Variants in CEACAM3 observed in about 807,000 individuals in gnomAD.
The protein encoded by CEACAM3 is CEA cell adhesion molecule 3, also known as cell adhesion molecule CEACAM3.
In CEACAM3, 32 loss-of-function variants were observed where a neutral mutation model predicts 30.1. The observed-to-expected ratio is 1.06, with a 90% CI of 0.80 to 1.43. CEACAM3 has a LOEUF of 1.43. CEACAM3 is among the 40% of genes most tolerant of loss of function. The pLI, the probability that CEACAM3 is intolerant of heterozygous loss-of-function variation, is 0.00. For missense variants in CEACAM3, 290 were observed against 316.3 expected, an observed-to-expected ratio of 0.92 and a Z score of 0.63; for synonymous variants, 134 against 127.2, an observed-to-expected ratio of 1.05 and a Z score of -0.36.
At chr19:41,805,338 C>T (rs1456870240) in intron 2 of CEACAM3, among the ~76,000 whole-genome samples, 1 of 137,518 alleles carries the variant, frequency 7.3e-6, no homozygotes, top group Non-Finnish European at 1.5e-5. Context: ...GTCACCCAGG[C>T]TGGAGTGCAA....
Position 41,811,402 on chromosome 19 carries a change from G to A in CEACAM3, c.*165G>A. ...GATGGGGGTCCCTGATGAATATCTGGAGACCTCGACAGCCTGCCCTAGGCC... is the reference window on the plus strand; with the variant it reads ...GATGGGGGTCCCTGATGAATATCTGAAGACCTCGACAGCCTGCCCTAGGCC... On this transcript the variant is annotated 3_prime_UTR_variant, in exon 7 of 7. Transcript: ENST00000357396. The A allele has an allele frequency of 1.6e-6, 1 of 639,890 alleles. No homozygotes were observed. Among genetic ancestry groups the A allele is most frequent in the Non-Finnish European group, 2.8e-6 (1 of 362,218 alleles). The allele number at this position is 639,890 out of a possible 1,614,324, so 39.6% of individuals were successfully genotyped here.
intron 2 of CEACAM3, among the ~76,000 whole-genome samples, chr19:41,803,399 A>C (rs2073167363): frequency 6.6e-6 from 1 of 151,488 alleles, no homozygotes; most frequent in Admixed American, 6.6e-5. Context: ...AAACTTCCAA[A>C]ACTGAACAGC....
intron 2 of CEACAM3, among the ~76,000 whole-genome samples, chr19:41,805,884 CAGG>C (rs1476055206): frequency 6.6e-6 from 1 of 152,330 alleles, no homozygotes; most frequent in East Asian, 1.9e-4. Flanking sequence ...CTGCCCTCTG[CAGG>C]AGGAGAAAAC....
Position 41,811,290 on chromosome 19 carries a change from G to T in CEACAM3, c.*53G>T. The T allele has an allele frequency of 5.4e-6, 8 of 1,470,884 alleles. No homozygotes were observed. Among genetic ancestry groups the T allele is most frequent in the Non-Finnish European group, 6.7e-6 (7 of 1,051,948 alleles). 91.1% of individuals were successfully genotyped at this position (1,470,884 alleles called of 1,614,324 possible). A position where few individuals can be genotyped will look rare whatever the true frequency, so the allele number is the denominator to read the frequency against. ...TGATGGAGAGTCCCCAAGGCCCCCAGCCCTGGGGATGGGGAAGGACATGAA... is the reference window on the plus strand; with the variant it reads ...TGATGGAGAGTCCCCAAGGCCCCCATCCCTGGGGATGGGGAAGGACATGAA... On this transcript the variant is annotated 3_prime_UTR_variant, in exon 7 of 7. Transcript: ENST00000357396.
At position 41,797,795 on chromosome 19, in the gene CEACAM3, C is replaced by A; in HGVS notation, c.271C>A (p.Pro91Thr). 1 of 1,612,280 alleles carries A rather than the reference C, an allele frequency of 6.2e-7. No individual in the cohort carries two copies. The highest frequency in any genetic ancestry group is 8.5e-7 in the Non-Finnish European group (1 of 1,180,006). Residue 91 changes from proline (P) to threonine (T), a missense_variant, in exon 2 of 7, where the codon CCA becomes ACA. Physicochemically the swap from Pro to Thr is conservative, Grantham distance 38. Transcript: ENST00000357396. ...TGTAATAGGAACTCAACAAGCTACC[C>A]CAGGGGCCGCATACAGCGGTCGAGA... ...GYVIGTQQAT[P>T]GAAYSGRETI...
At chr19:41,807,351 G>C in intron 2 of CEACAM3, 1 of 1,606,412 alleles carries the variant, frequency 6.2e-7, no homozygotes. Flanking sequence ...AACCCAGTGG[G>C]TGCCAGCTAC....
chr19:41,800,430 G>T (rs7258053), intron 2 of CEACAM3, among the ~76,000 whole-genome samples: 1 of 151,712 alleles, frequency 6.6e-6, no homozygotes, highest in African/African-American at 2.4e-5. Flanking sequence ...CCCTTTCCCC[G>T]GGAGAGTTTA....
In CEACAM3 at chr19:41,811,336, T is replaced by C; in HGVS notation, c.*99T>C. 1 of 1,044,530 alleles carries C rather than the reference T, an allele frequency of 9.6e-7. No homozygotes were observed. The highest frequency in any genetic ancestry group is 1.5e-6 in the Non-Finnish European group (1 of 676,486). 64.7% of individuals were successfully genotyped at this position (1,044,530 alleles called of 1,614,324 possible). A position where few individuals can be genotyped will look rare whatever the true frequency, so the allele number is the denominator to read the frequency against. ...ATGAAGCCTGAGCCAGAGAACCAGC[T>C]ATAAGTCCTGAGAAGACACTGGTGT... On this transcript the variant is annotated 3_prime_UTR_variant, in exon 7 of 7. Coordinates refer to ENST00000357396, the MANE Select transcript of CEACAM3 (RefSeq NM_001815.5).
At chr19:41,810,283 C>G (rs1027946813) in intron 4 of CEACAM3, 40 bp from the exon 5 acceptor site, 5 of 1,592,552 alleles carry the variant, frequency 3.1e-6, no homozygotes, top group Non-Finnish European at 4.3e-6. Context: ...GGATAAGGCT[C>G]TCCTCCCACC....
chr19:41,797,860 C>T lies in CEACAM3; in HGVS notation c.336C>T (p.Val112=). 6.2e-7 allele frequency: 1 copy of T among 1,613,900 alleles called. No individual in the cohort carries two copies. Among genetic ancestry groups the T allele is most frequent in the East Asian group, 2.2e-5 (1 of 44,878 alleles). Reference sequence around the variant, plus strand: ...ATGCATCCCTGCTGATCCAGAATGTCACCCAGAATGACATAGGATTCTACA... The same window carrying T: ...ATGCATCCCTGCTGATCCAGAATGTTACCCAGAATGACATAGGATTCTACA... ...YTNASLLIQN[V]TQNDIGFYTL... is the part of the protein sequence containing the mutation. The change falls in exon 2 of 7, where the codon GTC becomes GTT. Residue 112 remains valine, a synonymous_variant. Coordinates refer to ENST00000357396, the MANE Select transcript of CEACAM3 (RefSeq NM_001815.5).
At chr19:41,797,566 G>A (rs781798721) in intron 1 of CEACAM3, 23 bp from the exon 2 acceptor site, 2 of 1,602,220 alleles carry the variant, frequency 1.2e-6, no homozygotes, top group South Asian at 1.1e-5. Flanking sequence ...TCCCAATATT[G>A]ACTGATGCTT....
At chr19:41,799,921 G>A (rs112047790) in intron 2 of CEACAM3, among the ~76,000 whole-genome samples, 6 of 152,028 alleles carry the variant, frequency 3.9e-5, no homozygotes, top group Admixed American at 2.0e-4. Flanking sequence ...CCCAAGAACC[G>A]CATCTCATGG....
In CEACAM3 at chr19:41,810,872, C is replaced by G; in HGVS notation, c.668C>G (p.Pro223Arg). The G allele has an allele frequency of 6.2e-7, 1 of 1,613,704 alleles. No individual in the cohort carries two copies. Among genetic ancestry groups the G allele is most frequent in the East Asian group, 2.2e-5 (1 of 44,878 alleles). ...LSTAQAPLPNPRTAASIYEEL... is the reference protein window; with the variant it reads ...LSTAQAPLPNRRTAASIYEEL... ...ACTGCCCAGGCCCCCCTACCCAACCCCAGGACAGCAGCTTCCATCTATGAG... is the reference window on the plus strand; with the variant it reads ...ACTGCCCAGGCCCCCCTACCCAACCGCAGGACAGCAGCTTCCATCTATGAG... The change falls in exon 6 of 7, where the codon CCC becomes CGC. Residue 223 changes from proline to arginine, a missense_variant. Transcript: ENST00000357396.
chr19:41,800,563 G>A (rs1321560994), intron 2 of CEACAM3, among the ~76,000 whole-genome samples: 3 of 152,098 alleles, frequency 2.0e-5, no homozygotes, highest in Non-Finnish European at 2.9e-5. Flanking sequence ...CTCCTAGTCC[G>A]CCTTCACGTT....
chr19:41,805,747 T>C (rs1476169809), intron 2 of CEACAM3, among the ~76,000 whole-genome samples: 4 of 152,238 alleles, frequency 2.6e-5, no homozygotes, highest in Non-Finnish European at 5.9e-5. Flanking sequence ...GTCTCTCTCA[T>C]ATCCATCAAA....
intron 3 of CEACAM3, chr19:41,809,362 G>A: frequency 5.8e-6 from 1 of 172,506 alleles, no homozygotes; most frequent in Non-Finnish European, 1.2e-5. Context: ...GGACCAGCCT[G>A]GACAGGCTGG....
intron 2 of CEACAM3, among the ~76,000 whole-genome samples, chr19:41,803,716 T>C: frequency 2.2e-5 from 1 of 45,806 alleles, no homozygotes; most frequent in South Asian, 1.6e-3. Context: ...TCTGCCCGCC[T>C]TGGCCTCCAA....
intron 5 of CEACAM3, 92 bp from the exon 6 acceptor site, chr19:41,810,740 A>G (rs1226718805): frequency 2.5e-6 from 3 of 1,185,408 alleles, no homozygotes; most frequent in African/African-American, 3.0e-5. Flanking sequence ...AGGGGAAATG[A>G]CCAGAAGTAA....
chr19:41,810,682 G>A (rs1179658435), intron 5 of CEACAM3, 150 bp from the exon 6 acceptor site: 18 of 768,274 alleles, frequency 2.3e-5, no homozygotes, highest in Non-Finnish European at 3.3e-5. Context: ...TCAGGGTGCT[G>A]TGTCCACACT....
Sources: allele counts gnomAD v4.1 joint callset (sites outside exome capture counted in the v4.1 genomes callset), GRCh38; gene constraint gnomAD v4.1.1; transcripts MANE v1.5; gene names NCBI Gene and HGNC (gene_info 2026-07-23, HGNC 2026-07-21).